ARAP2: variants seen among roughly 807,000 people sequenced by gnomAD.
ARAP2 encodes arf-GAP with Rho-GAP domain, ANK repeat and PH domain-containing protein 2.
In ARAP2, 148 loss-of-function variants were observed where a neutral mutation model predicts 194.5. The observed-to-expected ratio is 0.76, with a 90% CI of 0.67 to 0.87. The LOEUF (loss-of-function observed/expected upper bound fraction) is 0.87, where lower values mean the gene tolerates loss of function less well. Ranked by LOEUF, ARAP2 falls within the 40% of genes least tolerant of loss-of-function variation. The probability of loss-of-function intolerance (pLI) is 0.00; values close to 1 mark genes in which losing one functional copy is unlikely to be tolerated. For missense variants in ARAP2, 2,128 were observed against 1,989.7 expected (o/e 1.07, Z -1.32); for synonymous variants, 695 against 683.5 (o/e 1.02, Z -0.26).
chr4:36,069,817 G>A (rs367879063), intron 32 of ARAP2, among the ~76,000 whole-genome samples: 12 of 152,130 alleles, frequency 7.9e-5, no homozygotes, highest in Admixed American at 7.2e-4. Flanking sequence ...CTGATAGGAG[G>A]TGACTGAATC....
chr4:36,060,783 T>C (rs1724294023), intron 1 of ARAP2, among the ~76,000 whole-genome samples: 2 of 152,004 alleles, frequency 1.3e-5, no homozygotes, highest in African/African-American at 2.4e-5. Flanking sequence ...CTTTCCTCTG[T>C]GGCTGGGCAT....
At chr4:36,135,118 G>A (rs958563704) in intron 19 of ARAP2, among the ~76,000 whole-genome samples, 2 of 151,648 alleles carry the variant, frequency 1.3e-5, no homozygotes, top group Non-Finnish European at 2.9e-5. Flanking sequence ...ACTAATTGTT[G>A]ATGTATTTTA....
chr4:36,222,643 C>T (rs775851336), intron 2 of ARAP2, among the ~76,000 whole-genome samples: 5 of 151,846 alleles, frequency 3.3e-5, no homozygotes, highest in Non-Finnish European at 4.4e-5. Context: ...TGGTTACTTC[C>T]GGGCACAAAG....
chr4:36,026,091 C>A (rs1052592010), intron 5 of ARAP2, among the ~76,000 whole-genome samples: 2 of 152,114 alleles, frequency 1.3e-5, no homozygotes, highest in Admixed American at 1.3e-4. Context: ...ATTTCTTTCT[C>A]ACTATTTTAA....
intron 5 of ARAP2, chr4:36,045,827 T>C (rs1213990102): frequency 6.6e-6 from 1 of 152,188 alleles, no homozygotes; most frequent in Non-Finnish European, 1.5e-5. Flanking sequence ...ATGCAATTAT[T>C]GACAATGATC....
intron 26 of ARAP2, among the ~76,000 whole-genome samples, chr4:36,112,630 T>G (rs542621499): frequency 6.6e-6 from 1 of 151,726 alleles, no homozygotes; most frequent in South Asian, 2.1e-4. Flanking sequence ...AAATCATGCC[T>G]CACTTATTCA....
At chr4:36,132,852 G>T (rs574187730) in intron 20 of ARAP2, among the ~76,000 whole-genome samples, 55 of 151,890 alleles carry the variant, frequency 3.6e-4, no homozygotes, top group Non-Finnish European at 1.6e-4. Flanking sequence ...ATGCTTAGAT[G>T]TGTTGTGTCA....
At chr4:36,217,806 G>A (rs1409741166) in intron 2 of ARAP2, among the ~76,000 whole-genome samples, 1 of 150,512 alleles carries the variant, frequency 6.6e-6, no homozygotes, top group African/African-American at 2.4e-5. Flanking sequence ...CTAGATATAT[G>A]ATAATACTAG....
chr4:36,030,401 T>C (rs1473448079), intron 5 of ARAP2, among the ~76,000 whole-genome samples: 1 of 152,156 alleles, frequency 6.6e-6, no homozygotes, highest in East Asian at 1.9e-4. Context: ...AATTCTGAGT[T>C]AATATTTCCA....
intron 8 of ARAP2, 54 bp downstream of exon 8, chr4:36,187,397 A>T: frequency 9.9e-7 from 1 of 1,014,090 alleles, no homozygotes; most frequent in Non-Finnish European, 1.3e-6. Flanking sequence ...CTGGTTTATT[A>T]ATATGATTAG....
At chr4:36,185,573 T>G (rs1262240199) in intron 8 of ARAP2, among the ~76,000 whole-genome samples, 1 of 152,090 alleles carries the variant, frequency 6.6e-6, no homozygotes, top group Non-Finnish European at 1.5e-5. Flanking sequence ...TGCTATGCAC[T>G]GACATATGTG....
intron 5 of ARAP2, among the ~76,000 whole-genome samples, chr4:36,033,592 T>C (rs550027991): frequency 1.3e-5 from 2 of 151,902 alleles, no homozygotes; most frequent in East Asian, 2.0e-4. Flanking sequence ...TCCAATTCTG[T>C]AGACCCTCTG....
chr4:36,110,560 A>G (rs1417355676), intron 26 of ARAP2, among the ~76,000 whole-genome samples: 1 of 152,002 alleles, frequency 6.6e-6, no homozygotes, highest in East Asian at 1.9e-4. Flanking sequence ...TTTAAGGTAA[A>G]GCATTAAAAT....
chr4:36,192,168 G>GTTTTTTTTTT (rs569144058), intron 7 of ARAP2, among the ~76,000 whole-genome samples: 1 of 100,724 alleles, frequency 9.9e-6, no homozygotes, highest in African/African-American at 4.1e-5. Context: ...CAGTGTTTCT[G>GTTTTTTTTTT]TTTTTTTTTT....
At chr4:36,236,178 C>CA (rs35020862) in intron 1 of ARAP2, among the ~76,000 whole-genome samples, 10,800 of 118,996 alleles carry the variant, frequency 0.091, 625 homozygotes, top group African/African-American at 0.19. Context: ...GACCCTGTCT[C>CA]AAAAAAAAAA....
At chr4:36,106,908 A>T (rs1433612217) in intron 27 of ARAP2, among the ~76,000 whole-genome samples, 1 of 152,018 alleles carries the variant, frequency 6.6e-6, no homozygotes, top group African/African-American at 2.4e-5. Context: ...GTTGGATTGT[A>T]TATAATCCTG....
chr4:36,213,021 A>G (rs78002498), intron 4 of ARAP2, among the ~76,000 whole-genome samples: 1 of 152,036 alleles, frequency 6.6e-6, no homozygotes, highest in Non-Finnish European at 1.5e-5. Flanking sequence ...AAAACTCACT[A>G]TCCTGGATTC....
rs1725379192 is a variant in ARAP2 at position 36,066,070 on chromosome 4, TCA to T, written c.*1835_*1836del. On this transcript the variant is annotated 3_prime_UTR_variant, in exon 33 of 33. Transcript: ENST00000303965. ...AGATGTCATCATTAGCCCTTATCTC[TCA>T]CACTTGAAAAATGGAGACAGTTGTT... 6.6e-6 allele frequency: 1 copy of T among 152,160 alleles called. No individual in the cohort carries two copies. The highest frequency in any genetic ancestry group is 1.5e-5 in the Non-Finnish European group (1 of 68,022). The allele number at this position is 152,160 out of a possible 1,614,324, so 9.4% of individuals were successfully genotyped here.
Position 36,210,408 on chromosome 4 carries a change from T to G in ARAP2, c.1469A>C (p.Asp490Ala). ...TACATACCCTTGAGGAGAGAGTTTA[T>G]CCAGCCATCCTGATTTAACCTTCTT... ...SAKKVKSGWLDKLSPQGKRMF... is the reference protein window; with the variant it reads ...SAKKVKSGWLAKLSPQGKRMF... The change falls in exon 6 of 33, where the codon GAT becomes GCT. Residue 490 changes from aspartate to alanine, a missense_variant. By Grantham distance (126) the Asp-to-Ala change is moderately radical. Coordinates refer to ENST00000303965, the MANE Select transcript of ARAP2 (RefSeq NM_015230.4). The G allele has an allele frequency of 6.2e-7, 1 of 1,611,382 alleles. No individual in the cohort carries two copies. Among genetic ancestry groups the G allele is most frequent in the Non-Finnish European group, 8.5e-7 (1 of 1,178,864 alleles).
Sources: allele counts gnomAD v4.1 joint callset (sites outside exome capture counted in the v4.1 genomes callset), GRCh38; gene constraint gnomAD v4.1.1; transcripts MANE v1.5; gene names NCBI Gene and HGNC (gene_info 2026-07-23, HGNC 2026-07-21).